Variants in ARHGAP39 observed in about 807,000 individuals in gnomAD.
ARHGAP39 encodes the protein rho GTPase-activating protein 39.
ARHGAP39 carries 44 observed loss-of-function variants against 106.9 expected under a neutral mutation model. The observed-to-expected ratio is 0.41, with a 90% confidence interval of 0.32 to 0.53. The LOEUF (loss-of-function observed/expected upper bound fraction) is 0.53, where lower values mean the gene tolerates loss of function less well. Among genes scored for constraint, ARHGAP39 ranks in the 20% least tolerant of loss-of-function variants. The pLI is 0.21. For synonymous variants in ARHGAP39, 768 were observed against 693.2 expected, an observed-to-expected ratio of 1.11 and a Z score of -1.69; for missense variants, 1,496 against 1,577.3, an observed-to-expected ratio of 0.95 and a Z score of 0.87.
At chr8:144,546,900 C>T (rs1817448034) in intron 5 of ARHGAP39, among the ~76,000 whole-genome samples, 1 of 152,208 alleles carries the variant, frequency 6.6e-6, no homozygotes, top group Non-Finnish European at 1.5e-5. Flanking sequence ...GAAGGCACTG[C>T]CAGGGAACGC....
intron 1 of ARHGAP39, among the ~76,000 whole-genome samples, chr8:144,665,438 G>A (rs529040326): frequency 6.6e-6 from 1 of 152,290 alleles, no homozygotes; most frequent in Non-Finnish European, 1.5e-5. Context: ...AAGACCACGG[G>A]GAAAATGTCG....
intron 11 of ARHGAP39, 37 bp downstream of exon 11, chr8:144,530,665 A>AGGGGGGGGGGGGGGG: frequency 1.1e-6 from 1 of 913,534 alleles, no homozygotes; most frequent in Admixed American, 4.1e-5. Flanking sequence ...CGGGGCGGGG[A>AGGGGGGGGGGGGGGG]GGGGAAAGCA....
At chr8:144,600,858 TGC>T (rs928156395) in intron 2 of ARHGAP39, among the ~76,000 whole-genome samples, 7 of 149,932 alleles carry the variant, frequency 4.7e-5, no homozygotes, top group African/African-American at 1.7e-4. Flanking sequence ...CCTGTGTGTG[TGC>T]ATGGAAGCGT....
chr8:144,570,748 GAAGAA>G (rs1818558544), intron 3 of ARHGAP39, among the ~76,000 whole-genome samples: 2 of 152,026 alleles, frequency 1.3e-5, no homozygotes, highest in East Asian at 1.9e-4. Flanking sequence ...GACTAATAAA[GAAGAA>G]AAGAGAGAAT....
chr8:144,568,377 A>T (rs959241945), intron 3 of ARHGAP39, among the ~76,000 whole-genome samples: 2 of 151,708 alleles, frequency 1.3e-5, no homozygotes, highest in African/African-American at 4.8e-5. Flanking sequence ...ACTTTTTCAA[A>T]AACACAAAAG....
rs1471444895 is a variant in ARHGAP39 at position 144,548,013 on chromosome 8, T to G, written c.1073A>C (p.Gln358Pro). ...SPGRKPRPFLQPNKQGPPSPC... is the reference protein window; with the variant it reads ...SPGRKPRPFLPPNKQGPPSPC... The stretch of plus-strand genomic sequence containing the variant: ...CGAGGGGGGGCCCTGCTTGTTGGGC[T>G]GGAGGAACGGCCGGGGCTTACGGCC... The change falls in exon 5 of 12, where the codon CAG (glutamine) becomes CCG (proline). Residue 358 changes from glutamine (Q) to proline (P), a missense_variant. Gln to Pro is a moderately conservative substitution (Grantham distance 76). Transcript: ENST00000377307. This position sits in a 1 kb window ranked among gnomAD's most constrained non-coding sequence, Gnocchi z 7.4. The G allele has an allele frequency of 6.2e-7, 1 of 1,609,452 alleles. No homozygotes were observed. The highest frequency in any genetic ancestry group is 2.2e-5 in the East Asian group (1 of 44,788).
chr8:144,606,625 G>A (rs1820302642), intron 1 of ARHGAP39, among the ~76,000 whole-genome samples: 1 of 152,064 alleles, frequency 6.6e-6, no homozygotes. Context: ...GGAGGAGGAG[G>A]AGGAGGTGAC....
intron 1 of ARHGAP39, among the ~76,000 whole-genome samples, chr8:144,648,447 A>C (rs1034164014): frequency 2.0e-5 from 3 of 152,258 alleles, no homozygotes; most frequent in Admixed American, 2.0e-4. Context: ...TGCAGCACTC[A>C]CAGACCCTCA....
chr8:144,681,465 G>A (rs1043846772), intron 1 of ARHGAP39, among the ~76,000 whole-genome samples: 4 of 152,192 alleles, frequency 2.6e-5, no homozygotes, highest in Admixed American at 6.5e-5. Flanking sequence ...GGTCTATGAC[G>A]CAGGACCTTG....
At position 144,586,525 on chromosome 8, in the gene ARHGAP39, G is replaced by C. The variant is rs1171813530; in HGVS notation, c.81-5248C>G. ...GGACAGTTCTCTCTCCAGGATGCCA[G>C]ATCCCATGTGGCAGTCCCAGGCTCC... On this transcript the variant is annotated intron_variant, in intron 2 of 11. Coordinates refer to ENST00000377307, the MANE Select transcript of ARHGAP39 (RefSeq NM_025251.3). The surrounding 1 kb of genome is among the most constrained non-coding windows in gnomAD (Gnocchi z 4.2). 1.3e-5 allele frequency: 2 copies of C among 152,432 alleles called. No homozygotes were observed. Among genetic ancestry groups the C allele is most frequent in the African/African-American group, 4.8e-5 (2 of 41,474 alleles). The allele number at this position is 152,432 out of a possible 1,614,324, so 9.4% of individuals were successfully genotyped here.
At chr8:144,609,911 C>G (rs903427082) in intron 1 of ARHGAP39, among the ~76,000 whole-genome samples, 1 of 152,128 alleles carries the variant, frequency 6.6e-6, no homozygotes, top group African/African-American at 2.4e-5. Context: ...TTATTTCTTC[C>G]TTAAATGTGT....
chr8:144,620,804 T>TG (rs935565371), intron 1 of ARHGAP39, among the ~76,000 whole-genome samples: 1 of 152,232 alleles, frequency 6.6e-6, no homozygotes, highest in African/African-American at 2.4e-5. Flanking sequence ...GAGAAGATGC[T>TG]GGGACAGGCA....
Sources: allele counts gnomAD v4.1 joint callset (sites outside exome capture counted in the v4.1 genomes callset), GRCh38; gene constraint gnomAD v4.1.1; non-coding constraint Gnocchi (gnomAD v3.1); transcripts MANE v1.5; gene names NCBI Gene and HGNC (gene_info 2026-07-23, HGNC 2026-07-21).